Variants in CPNE8 observed in about 807,000 individuals in gnomAD.
The protein encoded by CPNE8 is copine-8.
In CPNE8, 45 loss-of-function variants were observed where a neutral mutation model predicts 81.5. The observed-to-expected ratio is 0.55, with a 90% CI of 0.44 to 0.71. The LOEUF (loss-of-function observed/expected upper bound fraction) is 0.71. Ranked by LOEUF, CPNE8 falls within the 30% of genes least tolerant of loss-of-function variation. CPNE8 has a pLI of 0.00. For missense variants in CPNE8, 594 were observed against 672.1 expected (o/e 0.88, Z 1.28); for synonymous variants, 252 against 226.3 (o/e 1.11, Z -1.02).
chr12:38,794,683 T>C (rs1011963531), intron 6 of CPNE8, among the ~76,000 whole-genome samples: 5 of 149,828 alleles, frequency 3.3e-5, no homozygotes, highest in Admixed American at 1.3e-4. Context: ...GTGTTGGCAA[T>C]AACATGGCAA....
At chr12:38,703,670 C>T (rs1025230000) in intron 13 of CPNE8, among the ~76,000 whole-genome samples, 25 of 152,280 alleles carry the variant, frequency 1.6e-4, no homozygotes, top group African/African-American at 5.5e-4. Flanking sequence ...TCTCTCTTCA[C>T]ACACCACTCG....
At chr12:38,691,782 G>A (rs1050688372) in intron 15 of CPNE8, among the ~76,000 whole-genome samples, 9 of 152,162 alleles carry the variant, frequency 5.9e-5, no homozygotes, top group African/African-American at 1.9e-4. Flanking sequence ...CAGTTGCCTG[G>A]TAAGGGCTGT....
rs927763918 is a variant in CPNE8, at chr12:38,665,498, G to T, written c.1506+5231C>A. 2.0e-5 allele frequency among the ~76,000 whole-genome samples: 3 copies of T among 151,640 alleles called. No homozygotes were observed. The South Asian group carries it at 6.2e-4, about 32-fold the overall frequency. ...CTCTAGCTGCTTGCTTTACCTATTC[G>T]TAAAAATAAGTTTGAATTCATTTGG... On this transcript the variant is annotated intron_variant, in intron 19 of 19. Coordinates refer to ENST00000331366, the MANE Select transcript of CPNE8 (RefSeq NM_153634.3).
At chr12:38,788,831 A>T (rs564203296) in intron 6 of CPNE8, among the ~76,000 whole-genome samples, 1 of 152,024 alleles carries the variant, frequency 6.6e-6, no homozygotes, top group South Asian at 2.1e-4. Flanking sequence ...TTTGAAAAAG[A>T]AATAAAGAAG....
chr12:38,704,620 A>T (rs1241225516), intron 13 of CPNE8, among the ~76,000 whole-genome samples: 1 of 151,784 alleles, frequency 6.6e-6, no homozygotes, highest in Non-Finnish European at 1.5e-5. Context: ...TGGGCAAAAT[A>T]ATCTGGCAAC....
chr12:38,685,493 G>T lies in CPNE8; in HGVS notation c.1268C>A (p.Ala423Glu). 1.2e-6 allele frequency: 2 copies of T among 1,612,788 alleles called. No homozygotes were observed. Among genetic ancestry groups the T allele is most frequent in the Non-Finnish European group, 1.7e-6 (2 of 1,179,238 alleles). ...ACCTTGTCTACTCTCTACTTACCTT[G>T]CTACATGATTAATTACAGGAGCAAA... is the stretch of plus-strand genomic sequence containing the variant. ...TNFAPVINHVARYASSVKDGS... is the reference protein window; with the variant it reads ...TNFAPVINHVERYASSVKDGS... Residue 423 changes from alanine to glutamate, a missense_variant, in exon 16 of 20, where the codon GCA becomes GAA. Ala to Glu is a moderately radical substitution (Grantham distance 107). Coordinates refer to ENST00000331366, the MANE Select transcript of CPNE8 (RefSeq NM_153634.3).
chr12:38,869,506 A>T (rs1943960327), intron 3 of CPNE8, among the ~76,000 whole-genome samples: 1 of 151,950 alleles, frequency 6.6e-6, no homozygotes, highest in Non-Finnish European at 1.5e-5. Flanking sequence ...CTCAAAATAA[A>T]CTCTTTCTCA....
chr12:38,700,848 ATGCTCTCT>A (rs1179504156), intron 14 of CPNE8, among the ~76,000 whole-genome samples: 2 of 152,030 alleles, frequency 1.3e-5, no homozygotes, highest in Non-Finnish European at 2.9e-5. Context: ...TCCCTTGCAA[ATGCTCTCT>A]TGCCTGCCAC....
intron 7 of CPNE8, among the ~76,000 whole-genome samples, chr12:38,771,887 G>A (rs61937770): frequency 7.0e-4 from 107 of 152,304 alleles, no homozygotes; most frequent in Non-Finnish European, 1.2e-3. Context: ...CTACAGAATG[G>A]GAGAAAATAT....
chr12:38,805,673 AC>A (rs1382208955), intron 6 of CPNE8, among the ~76,000 whole-genome samples: 55 of 35,814 alleles, frequency 1.5e-3, no homozygotes, highest in South Asian at 7.5e-3. Flanking sequence ...AAAAAAAAAA[AC>A]ATTAAAAAAA....
chr12:38,837,760 T>A (rs940964062), intron 5 of CPNE8, among the ~76,000 whole-genome samples: 16 of 152,232 alleles, frequency 1.1e-4, no homozygotes, highest in African/African-American at 3.6e-4. Context: ...CATTCAATCT[T>A]AATCTAACCT....
intron 13 of CPNE8, among the ~76,000 whole-genome samples, chr12:38,719,669 A>C (rs1365940838): frequency 1.3e-5 from 2 of 151,870 alleles, no homozygotes; most frequent in Non-Finnish European, 2.9e-5. Flanking sequence ...AATACATTTA[A>C]AGATACATAA....
chr12:38,864,712 T>A (rs553796239), intron 3 of CPNE8, among the ~76,000 whole-genome samples: 1 of 152,272 alleles, frequency 6.6e-6, no homozygotes, highest in East Asian at 1.9e-4. Flanking sequence ...GAACTGTAGG[T>A]CTAAACATGA....
chr12:38,704,381 C>CGTGT (rs149631105), intron 13 of CPNE8, among the ~76,000 whole-genome samples: 1 of 150,272 alleles, frequency 6.7e-6, no homozygotes, highest in African/African-American at 2.4e-5. Flanking sequence ...TGTATGTGTG[C>CGTGT]GTGTGTGTGT....
chr12:38,852,735 T>G (rs952396738), intron 3 of CPNE8, among the ~76,000 whole-genome samples: 2 of 152,146 alleles, frequency 1.3e-5, no homozygotes, highest in Non-Finnish European at 2.9e-5. Flanking sequence ...AAGGGAGATC[T>G]GAGATATAAA....
At chr12:38,721,847 GC>G (rs1940573288) in intron 13 of CPNE8, among the ~76,000 whole-genome samples, 1 of 152,238 alleles carries the variant, frequency 6.6e-6, no homozygotes, top group Non-Finnish European at 1.5e-5. Flanking sequence ...GTCTGGTCCA[GC>G]CATAGCCTTG....
At chr12:38,837,697 A>G (rs1235398897) in intron 5 of CPNE8, among the ~76,000 whole-genome samples, 2 of 152,062 alleles carry the variant, frequency 1.3e-5, no homozygotes, top group Non-Finnish European at 2.9e-5. Context: ...GGAGTAGTCA[A>G]TCCTATTTGG....
At chr12:38,839,561 A>G (rs1943436219) in intron 5 of CPNE8, among the ~76,000 whole-genome samples, 1 of 152,022 alleles carries the variant, frequency 6.6e-6, no homozygotes, top group Admixed American at 6.6e-5. Context: ...CTCTGCCTAC[A>G]CTCAGCTACT....
chr12:38,726,767 G>A (rs1592042002), intron 11 of CPNE8, among the ~76,000 whole-genome samples: 1 of 152,052 alleles, frequency 6.6e-6, no homozygotes, highest in African/African-American at 2.4e-5. Context: ...TAAATTTTAG[G>A]AGTAACTTTT....
Sources: gnomAD v4.1 joint callset for allele counts (sites outside exome capture counted in the v4.1 genomes callset) on GRCh38, gnomAD v4.1.1 for gene constraint, MANE v1.5 for transcripts, NCBI Gene and HGNC (gene_info 2026-07-23, HGNC 2026-07-21) for gene names.